The following CDH18 variants were observed in gnomAD, a reference collection of about 807,000 sequenced individuals.
CDH18 encodes cadherin 18.
In CDH18, 31 loss-of-function variants were observed where a neutral mutation model predicts 67.9. The ratio of observed to expected loss-of-function variants is 0.46; its 90% CI spans 0.34 to 0.62. CDH18 has a LOEUF of 0.62. Ranked by LOEUF, CDH18 falls within the 20% of genes least tolerant of loss-of-function variation. CDH18 has a pLI of 0.01. For missense variants in CDH18, 890 were observed against 975.5 expected, an observed-to-expected ratio of 0.91 and a Z score of 1.17; for synonymous variants, 362 against 347.2, an observed-to-expected ratio of 1.04 and a Z score of -0.48.
intron 2 of CDH18, among the ~76,000 whole-genome samples, chr5:19,951,830 C>G (rs2150266168): frequency 6.6e-6 from 1 of 152,074 alleles, no homozygotes; most frequent in Middle Eastern, 3.4e-3. Flanking sequence ...TTAGGGGTAT[C>G]CAGATGGTTA....
At chr5:19,961,858 T>C (rs1183099719) in intron 2 of CDH18, among the ~76,000 whole-genome samples, 1 of 152,104 alleles carries the variant, frequency 6.6e-6, no homozygotes, top group African/African-American at 2.4e-5. Context: ...TTAATCTCGT[T>C]TGCAGTAATT....
At chr5:19,491,184 TG>T (rs1334344054) in intron 11 of CDH18, among the ~76,000 whole-genome samples, 1 of 152,196 alleles carries the variant, frequency 6.6e-6, no homozygotes, top group Non-Finnish European at 1.5e-5. Flanking sequence ...ATAAAATCCA[TG>T]TGTTCCAACC....
chr5:19,925,538 G>C (rs2150181941), intron 2 of CDH18, among the ~76,000 whole-genome samples: 1 of 152,218 alleles, frequency 6.6e-6, no homozygotes, highest in East Asian at 1.9e-4. Flanking sequence ...ACCCTGGCTG[G>C]AGTGCAGTGG....
intron 2 of CDH18, among the ~76,000 whole-genome samples, chr5:20,135,620 T>C (rs1022459194): frequency 6.6e-6 from 1 of 152,180 alleles, no homozygotes; most frequent in Non-Finnish European, 1.5e-5. Context: ...TAGTTATTTA[T>C]TGGCTTCTGC....
At chr5:19,613,926 TC>T (rs1469815127) in intron 5 of CDH18, among the ~76,000 whole-genome samples, 1 of 152,160 alleles carries the variant, frequency 6.6e-6, no homozygotes, top group African/African-American at 2.4e-5. Flanking sequence ...AGTCATTTTT[TC>T]ATAAATGTAT....
chr5:19,476,942 T>C (rs1738564088), intron 12 of CDH18, among the ~76,000 whole-genome samples: 1 of 151,746 alleles, frequency 6.6e-6, no homozygotes. Flanking sequence ...ATAGTTTCTA[T>C]TTCTCAAAAG....
chr5:20,053,860 G>A (rs1023345407), intron 2 of CDH18, among the ~76,000 whole-genome samples: 2 of 152,068 alleles, frequency 1.3e-5, no homozygotes, highest in African/African-American at 2.4e-5. Flanking sequence ...GGTAGGGGGA[G>A]AAAATAAGAG....
chr5:19,642,260 G>T (rs1280655125), intron 5 of CDH18, among the ~76,000 whole-genome samples: 1 of 151,796 alleles, frequency 6.6e-6, no homozygotes, highest in Non-Finnish European at 1.5e-5. Context: ...AACCCAAAGT[G>T]GTCTACAGAT....
chr5:20,303,019 A>G (rs182569454), intron 1 of CDH18, among the ~76,000 whole-genome samples: 1 of 151,634 alleles, frequency 6.6e-6, no homozygotes, highest in East Asian at 1.9e-4. Context: ...TATTTCAGAT[A>G]TCAAGTGTAT....
chr5:20,011,580 T>C (rs746927748), intron 2 of CDH18, among the ~76,000 whole-genome samples: 3 of 152,194 alleles, frequency 2.0e-5, no homozygotes, highest in Non-Finnish European at 4.4e-5. Context: ...AGGATGATAT[T>C]GGCTGTGGGT....
At chr5:20,466,180 C>T (rs1320791013) in intron 1 of CDH18, among the ~76,000 whole-genome samples, 3 of 152,030 alleles carry the variant, frequency 2.0e-5, no homozygotes, top group Non-Finnish European at 2.9e-5. Flanking sequence ...AATCTATAAA[C>T]ATTTAAAAAT....
intron 2 of CDH18, among the ~76,000 whole-genome samples, chr5:19,934,523 A>G (rs550113093): frequency 6.6e-6 from 1 of 151,458 alleles, no homozygotes; most frequent in Non-Finnish European, 1.5e-5. Context: ...TCTTGCTAAC[A>G]ATGAAGCCTA....
chr5:19,944,209 T>C (rs766636231), intron 2 of CDH18, among the ~76,000 whole-genome samples: 1 of 152,112 alleles, frequency 6.6e-6, no homozygotes, highest in Non-Finnish European at 1.5e-5. Flanking sequence ...ACATTTGCTA[T>C]CAATTTTGTT....
At chr5:20,464,436 C>T (rs1303800812) in intron 1 of CDH18, among the ~76,000 whole-genome samples, 1 of 148,760 alleles carries the variant, frequency 6.7e-6, no homozygotes, top group Non-Finnish European at 1.5e-5. Context: ...AGATTTTGTT[C>T]ATTGAGAATT....
intron 1 of CDH18, among the ~76,000 whole-genome samples, chr5:20,494,547 A>T (rs1175724664): frequency 6.6e-6 from 1 of 152,188 alleles, no homozygotes; most frequent in Non-Finnish European, 1.5e-5. Flanking sequence ...AAAAAAGAAA[A>T]TAACTGTTTT....
chr5:19,784,462 A>C (rs1775478531), intron 3 of CDH18, among the ~76,000 whole-genome samples: 1 of 152,210 alleles, frequency 6.6e-6, no homozygotes, highest in Non-Finnish European at 1.5e-5. Flanking sequence ...ACTATTATAT[A>C]ACATTCTATT....
chr5:20,175,918 C>A (rs964005555), intron 2 of CDH18, among the ~76,000 whole-genome samples: 2 of 152,128 alleles, frequency 1.3e-5, no homozygotes, highest in African/African-American at 2.4e-5. Flanking sequence ...ACTTTGCATC[C>A]TTCAGTCCAA....
At chr5:20,013,443 T>C (rs915041567) in intron 2 of CDH18, among the ~76,000 whole-genome samples, 33 of 152,108 alleles carry the variant, frequency 2.2e-4, no homozygotes, top group African/African-American at 7.5e-4. Flanking sequence ...AGGGCTTGAC[T>C]TATGAGGTTG....
At chr5:19,484,312 G>A (rs1006482164) in intron 11 of CDH18, among the ~76,000 whole-genome samples, 1 of 152,148 alleles carries the variant, frequency 6.6e-6, no homozygotes, top group Non-Finnish European at 1.5e-5. Context: ...TAGTCCCAGA[G>A]TGTTAGTTGC....
Sources: allele counts gnomAD v4.1 joint callset (sites outside exome capture counted in the v4.1 genomes callset), GRCh38; gene constraint gnomAD v4.1.1; transcripts MANE v1.5; gene names NCBI Gene and HGNC (gene_info 2026-07-23, HGNC 2026-07-21).